The following KIAA1755 variants were observed in gnomAD, a reference collection of about 807,000 sequenced individuals.
KIAA1755 encodes the protein uncharacterized protein KIAA1755.
In KIAA1755, 68 loss-of-function variants were observed where a neutral mutation model predicts 91.7. That is an observed-to-expected ratio of 0.74 (90% CI 0.61 to 0.91). KIAA1755 has a LOEUF of 0.91. KIAA1755 is among the 40% of genes least tolerant of loss of function. The pLI, the probability that KIAA1755 is intolerant of heterozygous loss-of-function variation, is 0.00. For synonymous variants in KIAA1755, 610 were observed against 604.6 expected (o/e 1.01, Z -0.13); for missense variants, 1,535 against 1,494.4 (o/e 1.03, Z -0.45).
At chr20:38,248,789 T>C (rs1209246) in intron 1 of KIAA1755, among the ~76,000 whole-genome samples, 51,105 of 151,170 alleles carry the variant, frequency 0.34, 8,764 homozygotes, top group Middle Eastern at 0.5. Context: ...GCCTCCGCCT[T>C]CTGGGTTGAA....
At chr20:38,228,282 T>C in intron 5 of KIAA1755, 42 bp from the exon 6 acceptor site, 3 of 1,505,884 alleles carry the variant, frequency 2.0e-6, no homozygotes, top group East Asian at 4.8e-5. Flanking sequence ...CTGGATGGCC[T>C]CGGACAGGGG....
In KIAA1755 at chr20:38,213,188, A is replaced by T. The variant is rs1039288007; in HGVS notation, c.3457T>A (p.Leu1153Met). 1.2e-6 allele frequency: 2 copies of T among 1,613,702 alleles called. No individual in the cohort carries two copies. The highest frequency in any genetic ancestry group is 3.3e-5 in the Admixed American group (2 of 60,018). The change falls in exon 14 of 14, where the codon TTG becomes ATG. Residue 1153 changes from leucine to methionine, a missense_variant. Physicochemically the swap from Leu to Met is conservative, Grantham distance 15 (BLOSUM62 2). Transcript: ENST00000279024. The part of the protein sequence containing the change: ...HKLPDPAREH[L>M]LATTFFRQQP... ...TGCCGGAAGAAGGTGGTGGCAAGCA[A>T]ATGCTCGCGGGCAGGGTCAGGCAGC...
intron 1 of KIAA1755, among the ~76,000 whole-genome samples, chr20:38,257,737 A>G (rs2076364354): frequency 6.6e-6 from 1 of 152,156 alleles, no homozygotes; most frequent in African/African-American, 2.4e-5. Flanking sequence ...ACAATACCTC[A>G]GTCTGGAGCC....
chr20:38,259,427 T>A, intron 1 of KIAA1755, among the ~76,000 whole-genome samples: 1 of 151,360 alleles, frequency 6.6e-6, no homozygotes, highest in East Asian at 1.9e-4. Context: ...AGTGGGAGCA[T>A]TCAGGTGTGC....
intron 1 of KIAA1755, among the ~76,000 whole-genome samples, chr20:38,255,441 C>T (rs78612580): frequency 0.051 from 7,798 of 152,236 alleles, 356 homozygotes; most frequent in African/African-American, 0.12. Flanking sequence ...TGGCCCAGCA[C>T]CACCTGATCT....
rs1534967 is a variant in KIAA1755 at position 38,213,354 on chromosome 20, T to C, written c.3291A>G (p.Ser1097=). 0.46 allele frequency: 731,745 copies of C among 1,607,226 alleles called. 168,472 individuals are homozygous for C. Among genetic ancestry groups the C allele is most frequent in the Middle Eastern group, 0.49 (2,978 of 6,050 alleles). ...KGRWDQPPLD[S]LGMDHLPKSY... is the part of the protein sequence containing the mutation. ...ACTTTGGCAAATGGTCCATGCCCAG[T>C]GAGTCTAGTGGAGGCTGATCCCACC... The change falls in exon 14 of 14, where the codon TCA becomes TCG. Residue 1097 remains serine (S), a synonymous_variant. Coordinates refer to ENST00000279024, the MANE Select transcript of KIAA1755 (RefSeq NM_001029864.2).
At chr20:38,228,461 T>C (rs981924026) in intron 5 of KIAA1755, among the ~76,000 whole-genome samples, 4 of 152,230 alleles carry the variant, frequency 2.6e-5, no homozygotes, top group African/African-American at 9.6e-5. Flanking sequence ...CAAGACCTCA[T>C]ACAGCCCTCG....
chr20:38,260,569 C>G lies in KIAA1755; in HGVS notation c.-69G>C. On this transcript the variant is annotated 5_prime_UTR_variant, in exon 1 of 14. Coordinates refer to ENST00000279024, the MANE Select transcript of KIAA1755 (RefSeq NM_001029864.2). ...GCGCGGGGTCTGTGGGTCCGCGGGTCCGTCTGTCTGGGGCAGCCCTCGGTC... is the reference window on the plus strand; with the variant it reads ...GCGCGGGGTCTGTGGGTCCGCGGGTGCGTCTGTCTGGGGCAGCCCTCGGTC... 6.8e-7 allele frequency: 1 copy of G among 1,477,630 alleles called. No individual in the cohort carries two copies. Among genetic ancestry groups the G allele is most frequent in the Non-Finnish European group, 9.0e-7 (1 of 1,117,178 alleles). The allele number at this position is 1,477,630 out of a possible 1,614,324, so 91.5% of individuals were successfully genotyped here.
At chr20:38,253,606 T>C (rs2076289363) in intron 1 of KIAA1755, among the ~76,000 whole-genome samples, 1 of 152,130 alleles carries the variant, frequency 6.6e-6, no homozygotes, top group Non-Finnish European at 1.5e-5. Flanking sequence ...AATAAAACCA[T>C]GTAAGCCTAG....
At chr20:38,239,917 G>A (rs1011482363) in intron 3 of KIAA1755, among the ~76,000 whole-genome samples, 192 bp from the exon 4 acceptor site, 4 of 151,702 alleles carry the variant, frequency 2.6e-5, no homozygotes, top group Admixed American at 2.0e-4. Flanking sequence ...TTTCTTTAGT[G>A]ACAGAGTCTC....
At chr20:38,222,792 C>T (rs1343844919) in intron 9 of KIAA1755, 195 bp from the exon 10 acceptor site, 2 of 644,952 alleles carry the variant, frequency 3.1e-6, no homozygotes, top group Non-Finnish European at 5.6e-6. Flanking sequence ...CATTGGTCCA[C>T]CCTCCAGCAT....
intron 2 of KIAA1755, among the ~76,000 whole-genome samples, chr20:38,242,746 C>T (rs985263854): frequency 6.6e-6 from 1 of 152,182 alleles, no homozygotes; most frequent in Non-Finnish European, 1.5e-5. Flanking sequence ...TACTAGATGG[C>T]TGTCCAGTTT....
chr20:38,226,077 GGC>G (rs1241280847), intron 7 of KIAA1755, among the ~76,000 whole-genome samples: 1 of 152,170 alleles, frequency 6.6e-6, no homozygotes. Flanking sequence ...CTCTGAGCTT[GGC>G]TCTTTCCCAG....
At chr20:38,223,513 C>T (rs1170192119) in intron 9 of KIAA1755, 25 bp downstream of exon 9, 2 of 1,536,266 alleles carry the variant, frequency 1.3e-6, no homozygotes, top group Non-Finnish European at 1.8e-6. Context: ...ATGTAGCTTC[C>T]CCAGTCACCA....
chr20:38,239,845 G>A (rs1023145892), intron 3 of KIAA1755, 120 bp from the exon 4 acceptor site: 37 of 956,176 alleles, frequency 3.9e-5, no homozygotes, highest in Non-Finnish European at 5.6e-5. Flanking sequence ...TCTCTCCCAT[G>A]TGCCAGGCAT....
intron 1 of KIAA1755, among the ~76,000 whole-genome samples, chr20:38,250,663 C>G (rs1294637671): frequency 6.6e-6 from 1 of 151,926 alleles, no homozygotes; most frequent in East Asian, 1.9e-4. Flanking sequence ...AGAAAAGTGG[C>G]TGCTTCTACG....
rs1438241361 is a variant in KIAA1755 at position 38,241,251 on chromosome 20, C to T, written c.880G>A (p.Ala294Thr). The T allele has an allele frequency of 6.2e-7, 1 of 1,613,974 alleles. No individual in the cohort carries two copies. The highest frequency in any genetic ancestry group is 1.3e-5 in the African/African-American group (1 of 74,914). Residue 294 changes from alanine to threonine, a missense_variant, in exon 3 of 14, where the codon GCA becomes ACA. By Grantham distance (58) the Ala-to-Thr change is moderately conservative. Coordinates refer to ENST00000279024, the MANE Select transcript of KIAA1755 (RefSeq NM_001029864.2). ...GAAGTACACCCACTGGATGTGCCTG[C>T]CTCCCTACTGGGAGACTCTCCTCTG... ...ESRGESPSRE[A>T]GTSSGCTSGA...
chr20:38,242,409 G>C (rs943668622), intron 2 of KIAA1755, among the ~76,000 whole-genome samples: 19 of 152,210 alleles, frequency 1.2e-4, no homozygotes, highest in African/African-American at 4.3e-4. Context: ...GTATTACTGG[G>C]TTGGTATGAG....
intron 1 of KIAA1755, among the ~76,000 whole-genome samples, chr20:38,249,953 C>A (rs1483556616): frequency 6.6e-6 from 1 of 152,194 alleles, no homozygotes; most frequent in African/African-American, 2.4e-5. Flanking sequence ...TTGGCTCCAG[C>A]CTCTCTGTGC....
Sources: allele counts gnomAD v4.1 joint callset (sites outside exome capture counted in the v4.1 genomes callset), GRCh38; gene constraint gnomAD v4.1.1; transcripts MANE v1.5; gene names NCBI Gene and HGNC (gene_info 2026-07-23, HGNC 2026-07-21).